The following RHBDD1 variants were observed in gnomAD, a reference collection of about 807,000 sequenced individuals.
RHBDD1 encodes rhomboid domain containing 1.
A neutral mutation model predicts 36.3 loss-of-function variants in RHBDD1; 38 were observed. The ratio of observed to expected loss-of-function variants is 1.05; its 90% CI spans 0.81 to 1.37. The LOEUF is 1.37. Ranked by LOEUF, RHBDD1 falls within the 40% of genes most tolerant of loss-of-function variation. The pLI, the probability that RHBDD1 is intolerant of heterozygous loss-of-function variation, is 0.00. For missense variants in RHBDD1, 393 were observed against 377.6 expected, an observed-to-expected ratio of 1.04 and a Z score of -0.34; for synonymous variants, 151 against 136.5, an observed-to-expected ratio of 1.11 and a Z score of -0.74.
At chr2:226,844,177 T>C (rs559457012) in intron 3 of RHBDD1, among the ~76,000 whole-genome samples, 1 of 152,360 alleles carries the variant, frequency 6.6e-6, no homozygotes, top group Admixed American at 6.5e-5. Context: ...ACATAGTTTC[T>C]CAGCACAACT....
At chr2:226,891,938 G>A (rs943384647) in intron 5 of RHBDD1, among the ~76,000 whole-genome samples, 2 of 152,192 alleles carry the variant, frequency 1.3e-5, no homozygotes, top group East Asian at 1.9e-4. Flanking sequence ...AGTGCAGGTC[G>A]CATGCCTGTG....
chr2:226,867,192 T>C lies in RHBDD1; in HGVS notation c.440T>C (p.Leu147Ser), dbSNP rs1944413320. 2 of 1,608,024 alleles carry C rather than the reference T, an allele frequency of 1.2e-6. No homozygotes were observed. Among genetic ancestry groups the C allele is most frequent in the Admixed American group, 1.7e-5 (1 of 58,614 alleles). ...GTTCTTCATTCTCTTTTAGGAGTTTTGTTTGCTTTGAAAGTTCTTAACAAC... is the reference window on the plus strand; with the variant it reads ...GTTCTTCATTCTCTTTTAGGAGTTTCGTTTGCTTTGAAAGTTCTTAACAAC... ...RSCAVGFSGV[L>S]FALKVLNNHY... Residue 147 changes from leucine (L) to serine (S), a missense_variant, in exon 5 of 9, where the codon TTG (leucine) becomes TCG (serine). Transcript: ENST00000392062.
chr2:226,841,360 A>G (rs920309117), intron 3 of RHBDD1, among the ~76,000 whole-genome samples: 1 of 152,108 alleles, frequency 6.6e-6, no homozygotes, highest in Non-Finnish European at 1.5e-5. Flanking sequence ...GGTTTGTTAC[A>G]TAGGTAAACA....
At chr2:226,867,672 G>C in intron 5 of RHBDD1, 1 of 982,494 alleles carries the variant, frequency 1.0e-6, no homozygotes, top group African/African-American at 1.7e-5. Context: ...TAACTATAAA[G>C]ATTAAAAAGC....
chr2:226,867,418 G>A, intron 5 of RHBDD1, 100 bp downstream of exon 5: 1 of 1,318,458 alleles, frequency 7.6e-7, no homozygotes, highest in South Asian at 1.5e-5. Context: ...TTCACAGTGA[G>A]GTTTATTCTT....
At chr2:226,916,632 T>A (rs1948929029) in intron 8 of RHBDD1, among the ~76,000 whole-genome samples, 1 of 152,154 alleles carries the variant, frequency 6.6e-6, no homozygotes, top group Non-Finnish European at 1.5e-5. Context: ...ATTATTATCT[T>A]CTGTTAAGAA....
At chr2:226,811,595 G>T in the RHBDD1 span, among the ~76,000 whole-genome samples, 2 of 152,278 alleles carry the variant, frequency 1.3e-5, no homozygotes, top group Non-Finnish European at 2.9e-5. Flanking sequence ...GAGCCACCAC[G>T]CCCAGCCAAT....
intron 8 of RHBDD1, among the ~76,000 whole-genome samples, chr2:226,987,568 C>T (rs927075612): frequency 1.4e-4 from 22 of 152,346 alleles, no homozygotes; most frequent in Non-Finnish European, 2.4e-4. Flanking sequence ...CACCACCTGA[C>T]GCCTGTGTCT....
rs547998082 is a variant in RHBDD1 at position 226,870,719 on chromosome 2, A to G, written c.566+3401A>G. ...TCAGGTAACACACATTGTGCATGTT[A>G]TATGTATCATATACTGTATTGTTAC... On this transcript the variant is annotated intron_variant, in intron 5 of 8. Transcript: ENST00000392062. 5.3e-5 allele frequency among the ~76,000 whole-genome samples: 8 copies of G among 152,358 alleles called. No homozygotes were observed. In the South Asian group the frequency reaches 1.7e-3, roughly 32 times the overall value.
chr2:226,982,144 T>C (rs998059656), intron 8 of RHBDD1, among the ~76,000 whole-genome samples: 4 of 152,234 alleles, frequency 2.6e-5, no homozygotes, highest in African/African-American at 9.6e-5. Context: ...TGTGGTAGGG[T>C]TGGGCTGGGA....
At chr2:226,904,777 A>C (rs4673173) in intron 5 of RHBDD1, among the ~76,000 whole-genome samples, 73,520 of 151,846 alleles carry the variant, frequency 0.48, 18,722 homozygotes, top group African/African-American at 0.65. Flanking sequence ...GTTTCAGGGA[A>C]TCTCCCCTAG....
chr2:226,829,302 AT>A, the RHBDD1 span, among the ~76,000 whole-genome samples: 3 of 152,224 alleles, frequency 2.0e-5, no homozygotes, highest in Admixed American at 2.0e-4. Context: ...ATTAAGTAGT[AT>A]AATTCCTCCA....
intron 8 of RHBDD1, among the ~76,000 whole-genome samples, chr2:226,987,644 TCTGGGTACAGATGA>T (rs1475067295): frequency 6.6e-6 from 1 of 152,194 alleles, no homozygotes; most frequent in African/African-American, 2.4e-5. Flanking sequence ...CAGGCCCCCC[TCTGGGTACAGATGA>T]GGGGCCTGAG....
At chr2:226,912,503 C>T (rs979026894) in intron 7 of RHBDD1, among the ~76,000 whole-genome samples, 3 of 152,064 alleles carry the variant, frequency 2.0e-5, no homozygotes, top group African/African-American at 7.2e-5. Context: ...ATAAGCCATA[C>T]AGTGGAATAT....
chr2:226,979,966 T>C (rs79758921), intron 8 of RHBDD1, among the ~76,000 whole-genome samples: 3,310 of 152,222 alleles, frequency 0.022, 109 homozygotes, highest in African/African-American at 0.069. Context: ...TTTGATGGAT[T>C]GAATTTGGGG....
chr2:226,845,203 T>C (rs1229618172), intron 3 of RHBDD1, among the ~76,000 whole-genome samples: 2 of 152,250 alleles, frequency 1.3e-5, no homozygotes, highest in Non-Finnish European at 1.5e-5. Flanking sequence ...TTAATCACAC[T>C]ATGCAGTTTT....
upstream of RHBDD1, among the ~76,000 whole-genome samples, chr2:226,831,705 C>CT (rs79204506): frequency 0.03 from 4,375 of 144,626 alleles, 193 homozygotes; most frequent in African/African-American, 0.1. Context: ...GTTTATAATA[C>CT]TTTTTTTTTT....
chr2:226,832,338 G>A (rs1343558909), upstream of RHBDD1, among the ~76,000 whole-genome samples: 1 of 152,258 alleles, frequency 6.6e-6, no homozygotes, highest in East Asian at 1.9e-4. Flanking sequence ...TGTAACTGGA[G>A]AATGTACTTT....
chr2:226,953,976 C>G (rs1328343188), intron 8 of RHBDD1, among the ~76,000 whole-genome samples: 4 of 152,146 alleles, frequency 2.6e-5, no homozygotes, highest in Admixed American at 2.6e-4. Context: ...GCACCATCCT[C>G]CTCCTGCCAT....
Sources: allele counts gnomAD v4.1 joint callset (sites outside exome capture counted in the v4.1 genomes callset), GRCh38; gene constraint gnomAD v4.1.1; transcripts MANE v1.5; gene names NCBI Gene and HGNC (gene_info 2026-07-23, HGNC 2026-07-21).